The following GOLGA1 variants were observed in gnomAD, a reference collection of about 807,000 sequenced individuals.
GOLGA1 encodes golgin A1.
In GOLGA1, 63 loss-of-function variants were observed where a neutral mutation model predicts 119.7. The observed-to-expected ratio is 0.53, with a 90% CI of 0.43 to 0.65. The LOEUF (loss-of-function observed/expected upper bound fraction) is 0.65, where lower values mean the gene tolerates loss of function less well. GOLGA1 is among the 30% of genes least tolerant of loss of function. The pLI, the probability that GOLGA1 is intolerant of heterozygous loss-of-function variation, is 0.00. For missense variants in GOLGA1, 798 were observed against 912.8 expected (o/e 0.87, Z 1.62); for synonymous variants, 318 against 333.4 (o/e 0.95, Z 0.50).
At position 124,912,038 on chromosome 9, in the gene GOLGA1, A is replaced by G. The variant is rs766634246; in HGVS notation, c.844-12T>C. The G allele has an allele frequency of 6.2e-7, 1 of 1,611,872 alleles. No individual in the cohort carries two copies. The highest frequency in any genetic ancestry group is 1.1e-5 in the South Asian group (1 of 90,966). Reference sequence around the variant, plus strand: ...GTTTCAGCAGTGACCTGCAGGTGAAAGCAGAGATCACTCTATACTAGAAGC... The same window carrying G: ...GTTTCAGCAGTGACCTGCAGGTGAAGGCAGAGATCACTCTATACTAGAAGC... On this transcript the variant is annotated splice_polypyrimidine_tract_variant and intron_variant, in intron 10 of 22. Transcript: ENST00000373555.
At chr9:124,906,116 AAAATAAAT>A (rs60890510) in intron 12 of GOLGA1, among the ~76,000 whole-genome samples, 6 of 145,130 alleles carry the variant, frequency 4.1e-5, no homozygotes, top group Non-Finnish European at 6.0e-5. Flanking sequence ...GTGTCTCCAA[AAAATAAAT>A]AAATAAATAA....
At chr9:124,908,581 T>A (rs918638671) in intron 11 of GOLGA1, 109 bp from the exon 12 acceptor site, 4 of 705,566 alleles carry the variant, frequency 5.7e-6, no homozygotes. Flanking sequence ...GAGACATGAA[T>A]ACATTTTTAA....
intron 19 of GOLGA1, among the ~76,000 whole-genome samples, chr9:124,883,982 C>T (rs1829654728): frequency 6.6e-6 from 1 of 152,074 alleles, no homozygotes; most frequent in South Asian, 2.1e-4. Flanking sequence ...GAGACATTTT[C>T]TCAACTAAAA....
chr9:124,942,772 CA>C (rs1471532759), upstream of GOLGA1: 1 of 152,120 alleles, frequency 6.6e-6, no homozygotes, highest in Admixed American at 6.6e-5. Context: ...CAACAAAAAT[CA>C]AATATTCTCT....
At chr9:124,896,121 G>A (rs1588066260) in intron 15 of GOLGA1, among the ~76,000 whole-genome samples, 2 of 152,184 alleles carry the variant, frequency 1.3e-5, no homozygotes, top group Non-Finnish European at 2.9e-5. Flanking sequence ...AGTCCTAAAA[G>A]CTCCATCTCA....
chr9:124,886,211 G>C (rs1342211606), intron 19 of GOLGA1, among the ~76,000 whole-genome samples: 1 of 152,240 alleles, frequency 6.6e-6, no homozygotes, highest in Non-Finnish European at 1.5e-5. Flanking sequence ...GCGGGAGGTA[G>C]GGAGGGGAGT....
In GOLGA1 at chr9:124,908,477, A is replaced by C. The variant is rs781233278; in HGVS notation, c.970-5T>G. 6.9e-7 allele frequency: 1 copy of C among 1,444,994 alleles called. No homozygotes were observed. The highest frequency in any genetic ancestry group is 1.7e-5 in the Admixed American group (1 of 59,824). 89.5% of individuals were successfully genotyped at this position (1,444,994 alleles called of 1,614,324 possible). A position where few individuals can be genotyped will look rare whatever the true frequency, so the allele number is the denominator to read the frequency against. On this transcript the variant is annotated splice_region_variant and splice_polypyrimidine_tract_variant and intron_variant, in intron 11 of 22. Coordinates refer to ENST00000373555, the MANE Select transcript of GOLGA1 (RefSeq NM_002077.4). The stretch of plus-strand genomic sequence containing the variant: ...ATTCTGCTCAGCAAGTGTTTTCTGT[A>C]AGTTGAAAGAAGAGTAAAAGAAGAC...
In GOLGA1 at chr9:124,884,969, G is replaced by A. The variant is rs184692142; in HGVS notation, c.1906-2400C>T. Among the ~76,000 whole-genome samples, 246 of 152,272 alleles carry A rather than the reference G, an allele frequency of 1.6e-3. 1 individual carries two copies. Among genetic ancestry groups the A allele is most frequent in the African/African-American group, 5.7e-3 (238 of 41,574 alleles). On this transcript the variant is annotated intron_variant, in intron 19 of 22. Coordinates refer to ENST00000373555, the MANE Select transcript of GOLGA1 (RefSeq NM_002077.4). ...TCCCAGCACTTTGGGAGCCAAGGCA[G>A]GCGGATCACAAGGTCAGGTGTTCCA...
intron 6 of GOLGA1, 89 bp from the exon 7 acceptor site, chr9:124,926,830 C>A: frequency 4.7e-6 from 3 of 642,560 alleles, no homozygotes; most frequent in South Asian, 2.6e-5. Context: ...CCAACTCTTC[C>A]CAGAAAGCAA....
intron 20 of GOLGA1, among the ~76,000 whole-genome samples, chr9:124,882,272 A>C (rs1321887549): frequency 3.3e-5 from 5 of 152,240 alleles, no homozygotes; most frequent in African/African-American, 1.2e-4. Flanking sequence ...CCCCACTTCC[A>C]GATGAGGATG....
Position 124,921,132 on chromosome 9 carries a change from T to C in GOLGA1, c.840A>G (p.Gln280=). 1.9e-6 allele frequency: 3 copies of C among 1,570,988 alleles called. No homozygotes were observed. The highest frequency in any genetic ancestry group is 2.2e-5 in the East Asian group (1 of 44,654). The change falls in exon 10 of 23, where the codon CAA becomes CAG. Residue 280 remains glutamine, a synonymous_variant. Transcript: ENST00000373555. The part of the protein sequence containing the change: ...ALIQQLSIDL[Q]KVTAETQEKE... ...CTTCTCCTCATATTCTACTTACCTTTTGCAAATCAATGGAAAGCTGCTGAA... is the reference window on the plus strand; with the variant it reads ...CTTCTCCTCATATTCTACTTACCTTCTGCAAATCAATGGAAAGCTGCTGAA...
At chr9:124,919,443 G>A (rs1021406587) in intron 10 of GOLGA1, among the ~76,000 whole-genome samples, 1 of 152,184 alleles carries the variant, frequency 6.6e-6, no homozygotes, top group African/African-American at 2.4e-5. Flanking sequence ...CTGTATCACA[G>A]TCATTCATTC....
chr9:124,932,512 C>G (rs1363834396), intron 3 of GOLGA1, among the ~76,000 whole-genome samples: 1 of 152,148 alleles, frequency 6.6e-6, no homozygotes, highest in Non-Finnish European at 1.5e-5. Context: ...CTTCTCTGTG[C>G]ACTGGTTTCC....
Position 124,888,499 on chromosome 9 carries a change from G to A in GOLGA1, c.1762-103C>T, listed in dbSNP as rs1588058015. 5 of 1,011,238 alleles carry A rather than the reference G, an allele frequency of 4.9e-6. No homozygotes were observed. The highest frequency in any genetic ancestry group is 2.9e-5 in the South Asian group (2 of 68,280). The allele number at this position is 1,011,238 out of a possible 1,614,324, so 62.6% of individuals were successfully genotyped here. On this transcript the variant is annotated intron_variant, in intron 18 of 22. Transcript: ENST00000373555. The surrounding 1 kb of genome is among the most constrained non-coding windows in gnomAD (Gnocchi z 4.4). Reference sequence around the variant, plus strand: ...CTAGACTCGTCCCTTAGGTATGGGCGTTGTGCTCCAACAGGCAACTGGCCA... The same window carrying A: ...CTAGACTCGTCCCTTAGGTATGGGCATTGTGCTCCAACAGGCAACTGGCCA...
Position 124,888,220 on chromosome 9 carries a change from A to T in GOLGA1, c.1905+33T>A, listed in dbSNP as rs767586848. The T allele has an allele frequency of 6.2e-7, 1 of 1,607,428 alleles. No individual in the cohort carries two copies. The highest frequency in any genetic ancestry group is 8.5e-7 in the Non-Finnish European group (1 of 1,174,112). ...AGGCCTGAGGGTGAGGACCTGGTGG[A>T]GACAGAAACAGCCATGCAAAAGGCA... is the stretch of plus-strand genomic sequence containing the variant. On this transcript the variant is annotated intron_variant, in intron 19 of 22. Transcript: ENST00000373555. This position sits in a 1 kb window ranked among gnomAD's most constrained non-coding sequence, Gnocchi z 4.4.
At chr9:124,926,286 T>G (rs1830671455) in intron 7 of GOLGA1, among the ~76,000 whole-genome samples, 1 of 152,178 alleles carries the variant, frequency 6.6e-6, no homozygotes, top group Admixed American at 6.5e-5. Flanking sequence ...ACTGAAGCTG[T>G]GACTTTGGCC....
intron 4 of GOLGA1, among the ~76,000 whole-genome samples, chr9:124,930,848 A>T (rs1358834464): frequency 1.3e-5 from 2 of 152,232 alleles, no homozygotes; most frequent in African/African-American, 4.8e-5. Flanking sequence ...GCAGGTGCTG[A>T]AGTCAGAAAT....
chr9:124,898,471 T>G, intron 15 of GOLGA1, 78 bp downstream of exon 15: 2 of 819,140 alleles, frequency 2.4e-6, no homozygotes, highest in South Asian at 1.5e-5. Context: ...ACTGTAAGTA[T>G]GAGAAGTGGG....
intron 10 of GOLGA1, among the ~76,000 whole-genome samples, chr9:124,913,216 A>G (rs1046981733): frequency 6.6e-6 from 1 of 151,978 alleles, no homozygotes; most frequent in Non-Finnish European, 1.5e-5. Flanking sequence ...TGATCCGATC[A>G]CCTCCCACCA....
Sources: gnomAD v4.1 joint callset for allele counts (sites outside exome capture counted in the v4.1 genomes callset) on GRCh38, gnomAD v4.1.1 for gene constraint, Gnocchi (gnomAD v3.1) non-coding constraint, MANE v1.5 for transcripts, NCBI Gene and HGNC (gene_info 2026-07-23, HGNC 2026-07-21) for gene names.